Variants in CDH12 observed in about 807,000 individuals in gnomAD.
CDH12 encodes the protein cadherin 12.
CDH12 carries 41 observed loss-of-function variants against 74.1 expected under a neutral mutation model. The ratio of observed to expected loss-of-function variants is 0.55; its 90% CI spans 0.43 to 0.72. The LOEUF (loss-of-function observed/expected upper bound fraction) is 0.72, where lower values mean the gene tolerates loss of function less well. Ranked by LOEUF, CDH12 falls within the 30% of genes least tolerant of loss-of-function variation. The pLI is 0.00. For missense variants in CDH12, 945 were observed against 977.2 expected, an observed-to-expected ratio of 0.97 and a Z score of 0.44; for synonymous variants, 399 against 355.0, an observed-to-expected ratio of 1.12 and a Z score of -1.39.
chr5:22,208,923 T>A (rs943122119), intron 4 of CDH12, among the ~76,000 whole-genome samples: 1 of 152,208 alleles, frequency 6.6e-6, no homozygotes, highest in African/African-American at 2.4e-5. Context: ...ACAATTAGGA[T>A]AAGCCAACCG....
intron 1 of CDH12, among the ~76,000 whole-genome samples, chr5:22,800,821 T>C (rs1477537880): frequency 6.6e-6 from 1 of 152,182 alleles, no homozygotes; most frequent in Admixed American, 6.5e-5. Context: ...GATTGTCTTA[T>C]TTTATGTAGC....
intron 5 of CDH12, among the ~76,000 whole-genome samples, chr5:21,976,359 G>C (rs1285062258): frequency 3.3e-5 from 5 of 152,004 alleles, no homozygotes; most frequent in Non-Finnish European, 5.9e-5. Flanking sequence ...AATGCCGTAA[G>C]GCAGTGTTGT....
At chr5:22,761,930 A>AAC (rs10662625) in intron 1 of CDH12, among the ~76,000 whole-genome samples, 41,921 of 148,962 alleles carry the variant, frequency 0.28, 5,968 homozygotes, top group South Asian at 0.35. Flanking sequence ...TAATTTCTCA[A>AAC]ACACACACAC....
At chr5:22,730,097 C>T (rs879520504) in intron 1 of CDH12, among the ~76,000 whole-genome samples, 3 of 151,698 alleles carry the variant, frequency 2.0e-5, no homozygotes, top group Non-Finnish European at 4.4e-5. Flanking sequence ...AAGGAAAATA[C>T]ATCTTTTGAA....
At position 21,760,607 on chromosome 5, in the gene CDH12, T is replaced by A; in HGVS notation, c.1584A>T (p.Leu528Phe). The A allele has an allele frequency of 6.2e-7, 1 of 1,612,130 alleles. No individual in the cohort carries two copies. The highest frequency in any genetic ancestry group is 1.1e-5 in the South Asian group (1 of 90,954). The change falls in exon 13 of 15, where the codon TTA becomes TTT. Residue 528 changes from leucine to phenylalanine, a missense_variant. Leu to Phe is a conservative substitution (Grantham distance 22). Transcript: ENST00000382254. ...TTGGTTTGATAGCAGCCTCAGGTGA[T>A]AATCTAAAGGAGAATTGTTGCCCAG... ...SPAGQQFSFR[L>F]SPEAAIKPNF...
At chr5:22,819,272 C>T (rs1343555359) in intron 1 of CDH12, among the ~76,000 whole-genome samples, 2 of 151,910 alleles carry the variant, frequency 1.3e-5, no homozygotes, top group East Asian at 3.9e-4. Flanking sequence ...GACAGGCATG[C>T]CATTTTTACA....
chr5:21,891,665 T>C (rs1752907421), intron 6 of CDH12, among the ~76,000 whole-genome samples: 1 of 151,828 alleles, frequency 6.6e-6, no homozygotes, highest in South Asian at 2.1e-4. Flanking sequence ...GAGTTAATCT[T>C]TGGATTAAGT....
intron 11 of CDH12, among the ~76,000 whole-genome samples, chr5:21,772,509 A>G (rs1344760796): frequency 6.6e-6 from 1 of 152,080 alleles, no homozygotes; most frequent in Non-Finnish European, 1.5e-5. Flanking sequence ...CCTTCTTACT[A>G]TTGATCCACC....
chr5:22,111,771 C>A (rs1003194892), intron 4 of CDH12, among the ~76,000 whole-genome samples: 18 of 152,246 alleles, frequency 1.2e-4, no homozygotes, highest in African/African-American at 4.1e-4. Flanking sequence ...TTTACATCTA[C>A]CTATCATAAA....
intron 5 of CDH12, among the ~76,000 whole-genome samples, chr5:22,068,475 T>C (rs1047664442): frequency 8.5e-5 from 13 of 152,198 alleles, no homozygotes; most frequent in Admixed American, 6.6e-4. Flanking sequence ...ACAGAACTTT[T>C]AGCAGTGCAC....
intron 4 of CDH12, among the ~76,000 whole-genome samples, chr5:22,107,668 C>A (rs1427697279): frequency 6.6e-6 from 1 of 151,872 alleles, no homozygotes; most frequent in Non-Finnish European, 1.5e-5. Flanking sequence ...CGATACTTTA[C>A]CAAAAGTTCA....
At chr5:22,579,136 A>G (rs1327812984) in intron 1 of CDH12, among the ~76,000 whole-genome samples, 1 of 152,178 alleles carries the variant, frequency 6.6e-6, no homozygotes, top group East Asian at 1.9e-4. Context: ...GAATCTCTAA[A>G]GAGTTCAACT....
At chr5:21,762,999 C>G (rs911919265) in intron 12 of CDH12, among the ~76,000 whole-genome samples, 5 of 151,750 alleles carry the variant, frequency 3.3e-5, no homozygotes, top group African/African-American at 1.2e-4. Context: ...TTATTCAGGC[C>G]CAAATATTTT....
intron 2 of CDH12, among the ~76,000 whole-genome samples, chr5:22,495,816 A>G (rs1164534102): frequency 6.6e-6 from 1 of 152,182 alleles, no homozygotes; most frequent in Non-Finnish European, 1.5e-5. Context: ...AATGTGAGTT[A>G]GCTTTCTTGA....
At chr5:22,820,106 A>C (rs1041288742) in intron 1 of CDH12, among the ~76,000 whole-genome samples, 1 of 150,658 alleles carries the variant, frequency 6.6e-6, no homozygotes, top group Non-Finnish European at 1.5e-5. Flanking sequence ...AGCTGAACAG[A>C]AATTTCATTA....
chr5:22,018,884 C>T (rs1178129850), intron 5 of CDH12, among the ~76,000 whole-genome samples: 4 of 151,976 alleles, frequency 2.6e-5, no homozygotes, highest in Non-Finnish European at 5.9e-5. Flanking sequence ...CCAGCCTGGC[C>T]AACATGGTGA....
At chr5:22,297,258 T>A (rs934159250) in intron 3 of CDH12, among the ~76,000 whole-genome samples, 3 of 152,134 alleles carry the variant, frequency 2.0e-5, no homozygotes, top group Non-Finnish European at 4.4e-5. Context: ...CGACCTCAGG[T>A]GATGTGCCCA....
chr5:22,090,429 T>A (rs1413733832), intron 4 of CDH12, among the ~76,000 whole-genome samples: 8 of 150,822 alleles, frequency 5.3e-5, no homozygotes, highest in Admixed American at 4.6e-4. Flanking sequence ...ACAAGATGTC[T>A]TCACTGTTGA....
At chr5:22,676,529 T>C (rs1006824200) in intron 1 of CDH12, among the ~76,000 whole-genome samples, 1 of 152,192 alleles carries the variant, frequency 6.6e-6, no homozygotes, top group African/African-American at 2.4e-5. Flanking sequence ...ATAAAGAACA[T>C]CTTATTGAAT....
Sources: allele counts gnomAD v4.1 joint callset (sites outside exome capture counted in the v4.1 genomes callset), GRCh38; gene constraint gnomAD v4.1.1; transcripts MANE v1.5; gene names NCBI Gene and HGNC (gene_info 2026-07-23, HGNC 2026-07-21).